Variants in WARS2 observed in about 807,000 individuals in gnomAD.
WARS2 encodes the protein tryptophan--tRNA ligase, mitochondrial.
Under a neutral mutation model 36.5 loss-of-function variants are expected in WARS2, and 28 were observed. That is an observed-to-expected ratio of 0.77 (90% confidence interval 0.57 to 1.05). WARS2 has a LOEUF of 1.05. Ranked by LOEUF, WARS2 falls within the 50% of genes least tolerant of loss-of-function variation. WARS2 has a pLI of 0.00. For missense variants in WARS2, 435 were observed against 456.8 expected (o/e 0.95, Z 0.44); for synonymous variants, 174 against 178.4 (o/e 0.98, Z 0.20).
intron 1 of WARS2, chr1:119,086,012 C>T (rs1652633483): frequency 3.9e-6 from 6 of 1,558,302 alleles, no homozygotes; most frequent in Admixed American, 3.6e-5. Flanking sequence ...CAGTGTGGCA[C>T]ATACCCTGGC....
chr1:119,116,752 A>C lies in WARS2; in HGVS notation c.90+23803T>G, dbSNP rs74603689. ...CAGTCCTCAGCTCAAGCCCCAGGGA[A>C]GCCATTCCTCGCGTTATCTCACAGA... On this transcript the variant is annotated intron_variant, in intron 1 of 5. Transcript: ENST00000235521. Among the ~76,000 whole-genome samples the C allele has an allele frequency of 8.1e-3, 1,233 of 152,314 alleles. 28 individuals are homozygous for C. The highest frequency in any genetic ancestry group is 0.062 in the East Asian group (321 of 5,178).
intron 1 of WARS2, among the ~76,000 whole-genome samples, chr1:119,134,241 G>A (rs961250200): frequency 1.8e-4 from 25 of 137,090 alleles, no homozygotes; most frequent in African/African-American, 6.7e-4. Context: ...TGCAAAAGAT[G>A]TAGAAGTGGA....
rs1463311497 is a variant in WARS2, at chr1:119,031,371, G to A, written c.*1540C>T. 1.3e-5 allele frequency: 2 copies of A among 152,094 alleles called. No homozygotes were observed. Among genetic ancestry groups the A allele is most frequent in the African/African-American group, 4.8e-5 (2 of 41,404 alleles). The allele number at this position is 152,094 out of a possible 1,614,324, so 9.4% of individuals were successfully genotyped here. A position where few individuals can be genotyped will look rare whatever the true frequency, so the allele number is the denominator to read the frequency against. ...TCCCATTCCAGTATAAGATACAAAAGGCAAAATGTTTCCTTTACCCATGAT... is the reference window on the plus strand; with the variant it reads ...TCCCATTCCAGTATAAGATACAAAAAGCAAAATGTTTCCTTTACCCATGAT... On this transcript the variant is annotated 3_prime_UTR_variant, in exon 6 of 6. Transcript: ENST00000235521.
chr1:119,033,038 C>T lies in WARS2; in HGVS notation c.956G>A (p.Arg319His), dbSNP rs376728283. ...GTCCAGCTTCAGTTTTTCAATTTCA[C>T]GCTTAATTGGGGCAAACTTCTCAAT... Reference protein sequence around the residue: ...AVIEKFAPIKREIEKLKLDKD... With the variant: ...AVIEKFAPIKHEIEKLKLDKD... Residue 319 changes from arginine to histidine, a missense_variant, in exon 6 of 6, where the codon CGT becomes CAT. By Grantham distance (29) the Arg-to-His change is conservative. Coordinates refer to ENST00000235521, the MANE Select transcript of WARS2 (RefSeq NM_015836.4). 9.0e-5 allele frequency: 146 copies of T among 1,614,242 alleles called. No homozygotes were observed. Among genetic ancestry groups the T allele is most frequent in the Admixed American group, 3.8e-4 (23 of 60,032 alleles).
At chr1:119,038,204 G>C (rs545971719) in intron 4 of WARS2, among the ~76,000 whole-genome samples, 32 of 152,274 alleles carry the variant, frequency 2.1e-4, no homozygotes, top group African/African-American at 7.7e-4. Context: ...CCTAATAGAG[G>C]TAAAGTGGAA....
intron 4 of WARS2, among the ~76,000 whole-genome samples, chr1:119,039,131 T>C (rs1382159307): frequency 1.3e-5 from 2 of 152,212 alleles, no homozygotes. Flanking sequence ...ATGGGGATAA[T>C]GCCACCCACT....
chr1:119,078,992 T>C (rs2101336521), intron 1 of WARS2, among the ~76,000 whole-genome samples: 1 of 152,080 alleles, frequency 6.6e-6, no homozygotes, highest in East Asian at 1.9e-4. Flanking sequence ...TGTGTGTGTG[T>C]GCACTTTGAA....
intron 3 of WARS2, among the ~76,000 whole-genome samples, chr1:119,042,733 C>G (rs976547228): frequency 1.3e-5 from 2 of 152,104 alleles, no homozygotes; most frequent in Non-Finnish European, 1.5e-5. Context: ...GAGTTAATAT[C>G]AAAAGCCCTA....
rs587772268 is a variant in WARS2 at position 119,073,547 on chromosome 1, T to C, written c.348+2803A>G. 2.0e-5 allele frequency among the ~76,000 whole-genome samples: 3 copies of C among 152,292 alleles called. No homozygotes were observed. In the South Asian group the frequency reaches 6.2e-4, roughly 32 times the overall value. Reference sequence around the variant, plus strand: ...TCCACAATGGAGCTGAAGTGAGGGATGGCAGGAGGTGAATTATAAAACAGC... The same window carrying C: ...TCCACAATGGAGCTGAAGTGAGGGACGGCAGGAGGTGAATTATAAAACAGC... On this transcript the variant is annotated intron_variant, in intron 2 of 5. Transcript: ENST00000235521.
chr1:119,075,377 C>A (rs1651650474), intron 2 of WARS2, among the ~76,000 whole-genome samples: 1 of 152,068 alleles, frequency 6.6e-6, no homozygotes, highest in South Asian at 2.1e-4. Flanking sequence ...ATATAAGGAA[C>A]TTGAGCATCT....
intron 2 of WARS2, chr1:119,063,720 C>G (rs1310055042): frequency 6.6e-6 from 1 of 152,222 alleles, no homozygotes; most frequent in Non-Finnish European, 1.5e-5. Context: ...TTGGCAGCTT[C>G]CATGTGGTGT....
At chr1:119,111,969 C>T (rs927671999) in intron 1 of WARS2, among the ~76,000 whole-genome samples, 1 of 151,780 alleles carries the variant, frequency 6.6e-6, no homozygotes, top group African/African-American at 2.4e-5. Context: ...GTTGCCCAGG[C>T]TGGAGTGCAG....
chr1:119,115,913 A>AG (rs1553248235), intron 1 of WARS2, among the ~76,000 whole-genome samples: 2 of 151,968 alleles, frequency 1.3e-5, no homozygotes, highest in African/African-American at 4.8e-5. Flanking sequence ...ACATTAACCA[A>AG]GTGTGTGTGT....
intron 2 of WARS2, among the ~76,000 whole-genome samples, chr1:119,075,142 T>A (rs888988709): frequency 2.1e-5 from 3 of 143,538 alleles, no homozygotes; most frequent in Admixed American, 6.8e-5. Context: ...TCTAAAAATT[T>A]AAAAAATTAG....
chr1:119,069,577 A>G (rs1651138035), intron 2 of WARS2, among the ~76,000 whole-genome samples: 1 of 152,232 alleles, frequency 6.6e-6, no homozygotes, highest in Non-Finnish European at 1.5e-5. Flanking sequence ...CATTGGTAGA[A>G]GGTAATCAGA....
At chr1:119,053,901 T>G (rs894326925) in intron 2 of WARS2, among the ~76,000 whole-genome samples, 3 of 151,888 alleles carry the variant, frequency 2.0e-5, no homozygotes, top group Non-Finnish European at 4.4e-5. Context: ...ACCAATTTTT[T>G]TTTAAATTAG....
chr1:119,131,451 G>GTTTT (rs1433121541), intron 1 of WARS2, among the ~76,000 whole-genome samples: 1 of 126,936 alleles, frequency 7.9e-6, no homozygotes, highest in East Asian at 2.0e-4. Flanking sequence ...ACTGTGCAAA[G>GTTTT]TTTTTTGTTT....
At chr1:119,033,410 C>G in intron 5 of WARS2, 51 bp from the exon 6 acceptor site, 1 of 1,602,678 alleles carries the variant, frequency 6.2e-7, no homozygotes, top group Non-Finnish European at 8.5e-7. Context: ...ACAAAACAAA[C>G]AGATCACCAA....
At chr1:119,039,980 A>G (rs1232868643) in intron 4 of WARS2, among the ~76,000 whole-genome samples, 1 of 152,238 alleles carries the variant, frequency 6.6e-6, no homozygotes, top group Non-Finnish European at 1.5e-5. Flanking sequence ...AAAATCCAGA[A>G]ATGTGTGGAA....
Sources: allele counts gnomAD v4.1 joint callset (sites outside exome capture counted in the v4.1 genomes callset), GRCh38; gene constraint gnomAD v4.1.1; transcripts MANE v1.5; gene names NCBI Gene and HGNC (gene_info 2026-07-23, HGNC 2026-07-21).